The following CAPZB variants were observed in gnomAD, a reference collection of about 807,000 sequenced individuals.
CAPZB encodes capping actin protein of muscle Z-line subunit beta, also known as F-actin-capping protein subunit beta.
CAPZB carries 2 observed loss-of-function variants against 38.1 expected under a neutral mutation model. The ratio of observed to expected loss-of-function variants is 0.05; its 90% CI spans 0.02 to 0.17. CAPZB has a LOEUF of 0.17. CAPZB is among the 10% of genes least tolerant of loss of function. CAPZB has a pLI of 1.00. For missense variants in CAPZB, 161 were observed against 334.2 expected (o/e 0.48, Z 4.04); for synonymous variants, 107 against 127.4 (o/e 0.84, Z 1.08).
chr1:19,380,897 C>T lies in CAPZB; in HGVS notation c.216-2244G>A, dbSNP rs189145836. 5.1e-3 allele frequency among the ~76,000 whole-genome samples: 777 copies of T among 152,162 alleles called. 4 individuals are homozygous for T. Among genetic ancestry groups the T allele is most frequent in the African/African-American group, 0.017 (693 of 41,510 alleles). ...TTTTAAGAATGAATTTGGCCAGGCG[C>T]GGTAGCTCACACCTGCAATCCCAGC... On this transcript the variant is annotated intron_variant, in intron 3 of 8. Coordinates refer to ENST00000264202, the MANE Select transcript of CAPZB (RefSeq NM_004930.5).
chr1:19,414,167 C>T (rs898755326), intron 2 of CAPZB, among the ~76,000 whole-genome samples: 58 of 152,186 alleles, frequency 3.8e-4, no homozygotes, highest in African/African-American at 1.3e-3. Context: ...CCCAAGCACT[C>T]AGCCTTCTCA....
At chr1:19,401,338 A>G (rs1235617094) in intron 2 of CAPZB, among the ~76,000 whole-genome samples, 1 of 152,226 alleles carries the variant, frequency 6.6e-6, no homozygotes, top group Non-Finnish European at 1.5e-5. Context: ...CAGAAGAGCT[A>G]TGCACACAGC....
At position 19,356,032 on chromosome 1, in the gene CAPZB, G is replaced by A. The variant is rs2094019306; in HGVS notation, c.588+603C>T. Among the ~76,000 whole-genome samples, 1 of 152,142 alleles carries A rather than the reference G, an allele frequency of 6.6e-6. No homozygotes were observed. The highest frequency in any genetic ancestry group is 2.4e-5 in the African/African-American group (1 of 41,440). The stretch of plus-strand genomic sequence containing the variant: ...AACATCGTGGAGAAGGGTTGCTAGT[G>A]ATACCCAAACAAAAGATGGATAAGA... On this transcript the variant is annotated intron_variant, in intron 6 of 8. Transcript: ENST00000264202. This position sits in a 1 kb window ranked among gnomAD's most constrained non-coding sequence, Gnocchi z 4.3.
At chr1:19,355,580 C>A (rs2094016639) in intron 6 of CAPZB, among the ~76,000 whole-genome samples, 1 of 152,138 alleles carries the variant, frequency 6.6e-6, no homozygotes, top group Non-Finnish European at 1.5e-5. Flanking sequence ...AATTATCTTA[C>A]CGAAAGAGAT....
chr1:19,414,733 G>A (rs973582812), intron 2 of CAPZB, among the ~76,000 whole-genome samples: 3 of 152,194 alleles, frequency 2.0e-5, no homozygotes, highest in African/African-American at 7.2e-5. Flanking sequence ...CTTGCTGCCA[G>A]TGTGCAGAGT....
At chr1:19,415,497 T>C (rs563799652) in intron 2 of CAPZB, among the ~76,000 whole-genome samples, 2 of 152,198 alleles carry the variant, frequency 1.3e-5, no homozygotes, top group Non-Finnish European at 2.9e-5. Flanking sequence ...AAGCATTTCG[T>C]AAGTTCAGTT....
At chr1:19,460,638 C>G (rs556695996) in intron 1 of CAPZB, among the ~76,000 whole-genome samples, 1 of 137,060 alleles carries the variant, frequency 7.3e-6, no homozygotes, top group Admixed American at 8.2e-5. Context: ...GTCTCAAGCT[C>G]CTGAGCTCAA....
intron 4 of CAPZB, among the ~76,000 whole-genome samples, chr1:19,367,223 T>C (rs1417179123): frequency 6.6e-6 from 1 of 152,214 alleles, no homozygotes; most frequent in Non-Finnish European, 1.5e-5. Flanking sequence ...TATACCAGCC[T>C]GCACTCAAGA....
intron 2 of CAPZB, 138 bp downstream of exon 2, chr1:19,419,523 A>G (rs535033420): frequency 4.6e-4 from 280 of 605,920 alleles, no homozygotes; most frequent in Middle Eastern, 2.5e-3. Flanking sequence ...GCCTGGAGGA[A>G]TCTCATAGTC....
At chr1:19,437,446 T>A (rs2094461734) in intron 1 of CAPZB, among the ~76,000 whole-genome samples, 1 of 152,178 alleles carries the variant, frequency 6.6e-6, no homozygotes, top group African/African-American at 2.4e-5. Flanking sequence ...AAATAAGTGT[T>A]TGGGTGGGTT....
At chr1:19,394,618 C>A (rs1230613137) in intron 2 of CAPZB, among the ~76,000 whole-genome samples, 1 of 152,118 alleles carries the variant, frequency 6.6e-6, no homozygotes, top group African/African-American at 2.4e-5. Flanking sequence ...ACTTGGGAGG[C>A]TGAGGCAGAA....
intron 1 of CAPZB, among the ~76,000 whole-genome samples, chr1:19,430,997 C>T (rs1378594857): frequency 6.6e-6 from 1 of 152,120 alleles, no homozygotes; most frequent in Non-Finnish European, 1.5e-5. Flanking sequence ...TCCACCTGTC[C>T]AACTTTAAAA....
intron 1 of CAPZB, among the ~76,000 whole-genome samples, chr1:19,453,043 G>A (rs2094521859): frequency 1.3e-5 from 2 of 151,858 alleles, no homozygotes. Flanking sequence ...GACCTCAGGT[G>A]ATCCACCTGC....
intron 2 of CAPZB, among the ~76,000 whole-genome samples, chr1:19,390,270 C>A (rs567839247): frequency 6.6e-6 from 1 of 152,320 alleles, no homozygotes; most frequent in South Asian, 2.1e-4. Context: ...ACGACAGGTC[C>A]AAACAAAGCC....
At chr1:19,411,394 G>T (rs58316814) in intron 2 of CAPZB, among the ~76,000 whole-genome samples, 7,979 of 152,198 alleles carry the variant, frequency 0.052, 690 homozygotes, top group African/African-American at 0.18. Flanking sequence ...TGATGGGAGA[G>T]CATCAATTTT....
chr1:19,474,199 T>G (rs949152599), intron 1 of CAPZB, among the ~76,000 whole-genome samples: 2 of 152,148 alleles, frequency 1.3e-5, no homozygotes, highest in African/African-American at 4.8e-5. Flanking sequence ...TTTCACCCTG[T>G]TGGCCAGGCT....
At chr1:19,475,306 T>C (rs772482904) in intron 1 of CAPZB, among the ~76,000 whole-genome samples, 11 of 152,200 alleles carry the variant, frequency 7.2e-5, no homozygotes, top group Non-Finnish European at 1.6e-4. Context: ...GAAGCCAGGC[T>C]CTCTGGCTCC....
intron 1 of CAPZB, 116 bp downstream of exon 1, chr1:19,485,320 C>T (rs2094647520): frequency 1.4e-6 from 1 of 714,312 alleles, no homozygotes; most frequent in Admixed American, 4.4e-5. Flanking sequence ...GGTCCGGGAC[C>T]CCGCCCCTCC....
chr1:19,358,079 T>G (rs1197473972), intron 4 of CAPZB, among the ~76,000 whole-genome samples: 1 of 152,188 alleles, frequency 6.6e-6, no homozygotes, highest in African/African-American at 2.4e-5. Flanking sequence ...TAGCCGGAAA[T>G]GAAGGGCTCA....
Sources: allele counts gnomAD v4.1 joint callset (sites outside exome capture counted in the v4.1 genomes callset), GRCh38; gene constraint gnomAD v4.1.1; non-coding constraint Gnocchi (gnomAD v3.1); transcripts MANE v1.5; gene names NCBI Gene and HGNC (gene_info 2026-07-23, HGNC 2026-07-21).